The following LPL variants were observed in gnomAD, a reference collection of about 807,000 sequenced individuals.
LPL encodes phospholipase A1.
In LPL, 43 loss-of-function variants were observed where a neutral mutation model predicts 52.2. That is an observed-to-expected ratio of 0.82 (90% confidence interval 0.64 to 1.06). The LOEUF (loss-of-function observed/expected upper bound fraction) is 1.06. LPL is among the 50% of genes least tolerant of loss of function. The probability of loss-of-function intolerance (pLI) is 0.00; values close to 1 mark genes in which losing one functional copy is unlikely to be tolerated. For synonymous variants in LPL, 244 were observed against 215.6 expected (o/e 1.13, Z -1.15); for missense variants, 639 against 585.3 (o/e 1.09, Z -0.95).
At position 19,954,439 on chromosome 8, in the gene LPL, T is replaced by G; in HGVS notation, c.775+86T>G. 11 of 1,356,404 alleles carry G rather than the reference T, an allele frequency of 8.1e-6. No individual in the cohort carries two copies. In the South Asian group the frequency reaches 1.2e-4, roughly 15 times the overall value. 84.0% of individuals were successfully genotyped at this position (1,356,404 alleles called of 1,614,324 possible). ...TGTCCTACTCAGTAGCTTCAAAGTATGTAGTTTTCATATACACATTTGGCC... is the reference window on the plus strand; with the variant it reads ...TGTCCTACTCAGTAGCTTCAAAGTAGGTAGTTTTCATATACACATTTGGCC... On this transcript the variant is annotated intron_variant, in intron 5 of 9. Transcript: ENST00000650287.
intron 5 of LPL, 30 bp from the exon 6 acceptor site, chr8:19,955,811 A>G: frequency 1.2e-6 from 2 of 1,614,056 alleles, no homozygotes. Context: ...TTCTGCCGAG[A>G]TACAATCTTG....
At chr8:19,955,361 C>T (rs9282782) in intron 5 of LPL, among the ~76,000 whole-genome samples, 131 of 152,184 alleles carry the variant, frequency 8.6e-4, no homozygotes, top group South Asian at 1.7e-3. Context: ...TTGAGAAGCA[C>T]GTGATGGTTT....
intron 7 of LPL, 24 bp downstream of exon 7, chr8:19,959,404 A>T (rs781700940): frequency 6.2e-7 from 1 of 1,613,722 alleles, no homozygotes; most frequent in East Asian, 2.2e-5. Flanking sequence ...GGGGGCGGTC[A>T]TCATGGCACC....
rs555501848 is a variant in LPL, at chr8:19,942,873, T to C, written c.88+3345T>C. On this transcript the variant is annotated intron_variant, in intron 1 of 9. Coordinates refer to ENST00000650287, the MANE Select transcript of LPL (RefSeq NM_000237.3). ...GGAATGGATTATCTTAGGTGCTATATATATATGTAAGTTCTGCCGGAAGTG... is the reference window on the plus strand; with the variant it reads ...GGAATGGATTATCTTAGGTGCTATACATATATGTAAGTTCTGCCGGAAGTG... Among the ~76,000 whole-genome samples, 31 of 152,312 alleles carry C rather than the reference T, an allele frequency of 2.0e-4. 1 individual carries two copies. Among genetic ancestry groups the C allele is most frequent in the African/African-American group, 7.5e-4 (31 of 41,558 alleles).
chr8:19,959,128 G>T, intron 6 of LPL, 132 bp from the exon 7 acceptor site: 1 of 1,049,052 alleles, frequency 9.5e-7, no homozygotes, highest in South Asian at 1.3e-5. Flanking sequence ...AGCCACACCA[G>T]TGGTTCCATG....
In LPL at chr8:19,954,336, C is replaced by T. The variant is rs1563575286; in HGVS notation, c.758C>T (p.Ala253Val). Residue 253 changes from alanine to valine, a missense_variant, in exon 5 of 10, where the codon GCA becomes GTA. Physicochemically the swap from Ala to Val is moderately conservative, Grantham distance 64. Transcript: ENST00000650287. ...CNIGEAIRVI[A>V]ERGLGDVDQL... ...ATTGGAGAAGCTATCCGCGTGATTG[C>T]AGAGAGAGGACTTGGAGGTAAATAT... 1.2e-6 allele frequency: 2 copies of T among 1,613,938 alleles called. No individual in the cohort carries two copies.
chr8:19,965,258 GT>G lies in LPL; in HGVS notation c.*-51del. The G allele has an allele frequency of 1.5e-5, 12 of 778,624 alleles. No homozygotes were observed. The South Asian group carries it at 1.6e-4, about 10-fold the overall frequency. The allele number at this position is 778,624 out of a possible 1,614,324, so 48.2% of individuals were successfully genotyped here. A position where few individuals can be genotyped will look rare whatever the true frequency, so the allele number is the denominator to read the frequency against. ...AACCAGTGGGGGACAGGCGGGAATT[GT>G]AAAACACTCAGAAGATAATAAATTG... On this transcript the variant is annotated intron_variant, in intron 9 of 9. Coordinates refer to ENST00000650287, the MANE Select transcript of LPL (RefSeq NM_000237.3).
intron 8 of LPL, 27 bp downstream of exon 8, chr8:19,961,110 A>G (rs1158629245): frequency 6.2e-7 from 1 of 1,606,414 alleles, no homozygotes; most frequent in Non-Finnish European, 8.5e-7. Context: ...TTCTTCCTTC[A>G]CTTTAGACCC....
rs924581341 is a variant in LPL at position 19,950,885 on chromosome 8, GGAAGGAAGGAAT to G, written c.250-872_250-861del. 2.5e-4 allele frequency among the ~76,000 whole-genome samples: 37 copies of G among 148,628 alleles called. No homozygotes were observed. The highest frequency in any genetic ancestry group is 9.2e-4 in the African/African-American group (37 of 40,382). On this transcript the variant is annotated intron_variant, in intron 2 of 9. Coordinates refer to ENST00000650287, the MANE Select transcript of LPL (RefSeq NM_000237.3). This position sits in a 1 kb window ranked among gnomAD's most constrained non-coding sequence, Gnocchi z 4.2. ...AGGAAGGGAAGGAGGGAGGGAGGAA[GGAAGGAAGGAAT>G]GAAGGAAGGAAGGAAGGAATGAAGG... is the stretch of plus-strand genomic sequence containing the variant.
In LPL at chr8:19,966,626, A is replaced by T. The variant is rs916707770; in HGVS notation, c.*1316A>T. 6.6e-6 allele frequency: 1 copy of T among 152,232 alleles called. No homozygotes were observed. The highest frequency in any genetic ancestry group is 6.5e-5 in the Admixed American group (1 of 15,286). The allele number at this position is 152,232 out of a possible 1,614,324, so 9.4% of individuals were successfully genotyped here. A position where few individuals can be genotyped will look rare whatever the true frequency, so the allele number is the denominator to read the frequency against. On this transcript the variant is annotated 3_prime_UTR_variant, in exon 10 of 10. Coordinates refer to ENST00000650287, the MANE Select transcript of LPL (RefSeq NM_000237.3). ...GAAAGTATGTGATATCTGAACACAT[A>T]CTAGAAAGCTCTGCATGTGTGTTGT... is the stretch of plus-strand genomic sequence containing the variant.
rs1231353210 is a variant in LPL at position 19,944,159 on chromosome 8, C to G, written c.89-4021C>G. On this transcript the variant is annotated intron_variant, in intron 1 of 9. Coordinates refer to ENST00000650287, the MANE Select transcript of LPL (RefSeq NM_000237.3). The surrounding 1 kb of genome is among the most constrained non-coding windows in gnomAD (Gnocchi z 4.2). ...CACGATCGTGCCACTGCACTCCAGC[C>G]TGGGTGACAGAGCAAGACTCCGTTT... 6.6e-6 allele frequency among the ~76,000 whole-genome samples: 1 copy of G among 152,044 alleles called. No homozygotes were observed. The highest frequency in any genetic ancestry group is 2.4e-5 in the African/African-American group (1 of 41,404).
At chr8:19,949,970 C>G (rs368608121) in intron 2 of LPL, among the ~76,000 whole-genome samples, 2 of 152,148 alleles carry the variant, frequency 1.3e-5, no homozygotes, top group African/African-American at 2.4e-5. Flanking sequence ...GGTTCTTTTT[C>G]ATACTAAGAT....
chr8:19,942,803 T>G (rs1563564865), intron 1 of LPL, among the ~76,000 whole-genome samples: 1 of 152,218 alleles, frequency 6.6e-6, no homozygotes, highest in Non-Finnish European at 1.5e-5. Flanking sequence ...CTGTGTGCAC[T>G]GACACCATTT....
At position 19,962,232 on chromosome 8, in the gene LPL, G is replaced by T; in HGVS notation, c.1427+13G>T. 1 of 1,605,526 alleles carries T rather than the reference G, an allele frequency of 6.2e-7. No homozygotes were observed. Among genetic ancestry groups the T allele is most frequent in the East Asian group, 2.2e-5 (1 of 44,798 alleles). On this transcript the variant is annotated intron_variant, in intron 9 of 9. Coordinates refer to ENST00000650287, the MANE Select transcript of LPL (RefSeq NM_000237.3). ...AGAAGTCAGGCTGGTGAGCATTCTG[G>T]GCTAAAGCTGACTGGGCATCCTGAG...
At position 19,967,115 on chromosome 8, in the gene LPL, C is replaced by CTT. The variant is rs10645926; in HGVS notation, c.*1806_*1807insTT. On this transcript the variant is annotated 3_prime_UTR_variant, in exon 10 of 10. Transcript: ENST00000650287. ...TGCATTTATAAATGTGTGGTGCTAA[C>CTT]TGTATGTGTCTTTATCAGTGATGGT... 19,227 of 152,532 alleles carry CTT rather than the reference C, an allele frequency of 0.13. 1,304 individuals are homozygous for CTT. The highest frequency in any genetic ancestry group is 0.18 in the African/African-American group (7,439 of 41,444). 9.4% of individuals were successfully genotyped at this position (152,532 alleles called of 1,614,324 possible). A position where few individuals can be genotyped will look rare whatever the true frequency, so the allele number is the denominator to read the frequency against.
Position 19,960,893 on chromosome 8 carries a change from T to G in LPL, c.1140-8T>G. On this transcript the variant is annotated splice_polypyrimidine_tract_variant and splice_region_variant and intron_variant, in intron 7 of 9. Transcript: ENST00000650287. ...ATAACTAACCAAATTTATTGCTTTTTTGTTTAGGCCTGAAGTTTCCACAAA... is the reference window on the plus strand; with the variant it reads ...ATAACTAACCAAATTTATTGCTTTTGTGTTTAGGCCTGAAGTTTCCACAAA... The G allele has an allele frequency of 6.2e-7, 1 of 1,612,454 alleles. No individual in the cohort carries two copies. The highest frequency in any genetic ancestry group is 8.5e-7 in the Non-Finnish European group (1 of 1,179,082).
rs559590399 is a variant in LPL, at chr8:19,939,370, C to G, written c.-71C>G. 223 of 1,488,664 alleles carry G rather than the reference C, an allele frequency of 1.5e-4. 1 individual carries two copies. In the African/African-American group the frequency reaches 2.6e-3, roughly 17 times the overall value. The allele number at this position is 1,488,664 out of a possible 1,614,324, so 92.2% of individuals were successfully genotyped here. On this transcript the variant is annotated 5_prime_UTR_variant, in exon 1 of 10. Transcript: ENST00000650287. This position sits in a 1 kb window ranked among gnomAD's most constrained non-coding sequence, Gnocchi z 4.0. Reference sequence around the variant, plus strand: ...CGCCAAACCGCGGCTCCAGCCCTCTCCAGCCTCCGGCTCAGCCGGCTCATC... The same window carrying G: ...CGCCAAACCGCGGCTCCAGCCCTCTGCAGCCTCCGGCTCAGCCGGCTCATC...
intron 1 of LPL, among the ~76,000 whole-genome samples, chr8:19,943,032 T>C (rs2069853665): frequency 6.6e-6 from 1 of 152,356 alleles, no homozygotes; most frequent in Non-Finnish European, 1.5e-5. Context: ...CCCACCATTA[T>C]TTGACAGTAG....
At chr8:19,961,517 T>C (rs2070039275) in intron 8 of LPL, among the ~76,000 whole-genome samples, 1 of 152,112 alleles carries the variant, frequency 6.6e-6, no homozygotes, top group Non-Finnish European at 1.5e-5. Context: ...GCCCCACCCA[T>C]GTGTACCCAT....
Sources: gnomAD v4.1 joint callset for allele counts (sites outside exome capture counted in the v4.1 genomes callset) on GRCh38, gnomAD v4.1.1 for gene constraint, Gnocchi (gnomAD v3.1) non-coding constraint, MANE v1.5 for transcripts, NCBI Gene and HGNC (gene_info 2026-07-23, HGNC 2026-07-21) for gene names.